Variants in MAGI2 observed in about 807,000 individuals in gnomAD.
MAGI2 encodes membrane associated guanylate kinase, WW and PDZ domain containing 2.
A neutral mutation model predicts 133.3 loss-of-function variants in MAGI2; 35 were observed. That is an observed-to-expected ratio of 0.26 (90% CI 0.20 to 0.35). The LOEUF (loss-of-function observed/expected upper bound fraction) is 0.35. Ranked by LOEUF, MAGI2 falls within the 10% of genes least tolerant of loss-of-function variation. The pLI, the probability that MAGI2 is intolerant of heterozygous loss-of-function variation, is 1.00. For missense variants in MAGI2, 1,636 were observed against 1,863.4 expected, an observed-to-expected ratio of 0.88 and a Z score of 2.25; for synonymous variants, 729 against 710.6, an observed-to-expected ratio of 1.03 and a Z score of -0.41.
chr7:78,246,648 T>C (rs891478298), intron 10 of MAGI2, among the ~76,000 whole-genome samples: 7 of 152,204 alleles, frequency 4.6e-5, no homozygotes, highest in Non-Finnish European at 8.8e-5. Context: ...TCTAGGGTTC[T>C]GGCTGCTGCA....
At chr7:79,120,466 C>T (rs1819791027) in intron 1 of MAGI2, among the ~76,000 whole-genome samples, 1 of 151,966 alleles carries the variant, frequency 6.6e-6, no homozygotes. Context: ...TGTAAACATT[C>T]CTAAATCAAC....
In MAGI2 at chr7:78,256,345, C is replaced by G; in HGVS notation, c.1645G>C (p.Glu549Gln). The G allele has an allele frequency of 6.2e-7, 1 of 1,614,010 alleles. No homozygotes were observed. Among genetic ancestry groups the G allele is most frequent in the South Asian group, 1.1e-5 (1 of 91,082 alleles). The change falls in exon 10 of 22, where the codon GAG (glutamate) becomes CAG (glutamine). Residue 549 changes from glutamate to glutamine, a missense_variant. By Grantham distance (29) the Glu-to-Gln change is conservative. Coordinates refer to ENST00000354212, the MANE Select transcript of MAGI2 (RefSeq NM_012301.4). The part of the protein sequence containing the change: ...NGRHNYETYL[E>Q]YISRTSQSVP... ...GACTGTGAGGTCCGAGAAATGTACT[C>G]CAAATATGTTTCATAGTTGTGTCTT...
intron 7 of MAGI2, among the ~76,000 whole-genome samples, chr7:78,362,226 T>C (rs1476263556): frequency 6.6e-6 from 1 of 152,010 alleles, no homozygotes; most frequent in Non-Finnish European, 1.5e-5. Context: ...CGCTTGAACC[T>C]GGGAGGCGGA....
At chr7:78,570,148 A>C (rs1394934004) in intron 3 of MAGI2, among the ~76,000 whole-genome samples, 1 of 152,194 alleles carries the variant, frequency 6.6e-6, no homozygotes, top group African/African-American at 2.4e-5. Context: ...CCAACAGGGT[A>C]GAGTGGAATA....
At chr7:78,878,440 C>A (rs1218794849) in intron 2 of MAGI2, among the ~76,000 whole-genome samples, 1 of 152,106 alleles carries the variant, frequency 6.6e-6, no homozygotes, top group Admixed American at 6.6e-5. Context: ...ATGTGTTTCT[C>A]AATTCTTAAT....
chr7:79,331,559 A>T (rs899459527), intron 1 of MAGI2, among the ~76,000 whole-genome samples: 8 of 152,146 alleles, frequency 5.3e-5, no homozygotes, highest in Non-Finnish European at 1.0e-4. Context: ...CTATTTACAG[A>T]CCAGAAAGAC....
At chr7:78,132,552 C>A (rs1000757349) in intron 18 of MAGI2, among the ~76,000 whole-genome samples, 8 of 152,244 alleles carry the variant, frequency 5.3e-5, no homozygotes, top group Admixed American at 3.9e-4. Flanking sequence ...TTCCATCGTG[C>A]ATACTGCAGG....
At chr7:78,133,170 T>C (rs1217188341) in intron 17 of MAGI2, 110 bp from the exon 18 acceptor site, 3 of 819,342 alleles carry the variant, frequency 3.7e-6, no homozygotes, top group Non-Finnish European at 5.6e-6. Flanking sequence ...GCTTTGGTTA[T>C]TTCCGTTTCT....
intron 2 of MAGI2, among the ~76,000 whole-genome samples, chr7:78,685,263 C>T (rs1585079563): frequency 6.6e-6 from 1 of 152,234 alleles, no homozygotes; most frequent in East Asian, 1.9e-4. Flanking sequence ...AAGAGCTGTC[C>T]TTTTTGTTAA....
At chr7:78,270,696 C>T (rs190908256) in intron 9 of MAGI2, among the ~76,000 whole-genome samples, 28 of 151,592 alleles carry the variant, frequency 1.8e-4, no homozygotes, top group Non-Finnish European at 2.5e-4. Flanking sequence ...TAATGGGAGA[C>T]GTTAACACCC....
At chr7:78,280,298 G>T (rs1407623804) in intron 9 of MAGI2, among the ~76,000 whole-genome samples, 4 of 152,062 alleles carry the variant, frequency 2.6e-5, no homozygotes, top group Admixed American at 2.0e-4. Flanking sequence ...GACAAATTGT[G>T]GGGGATGTGG....
intron 3 of MAGI2, among the ~76,000 whole-genome samples, chr7:78,544,929 G>A (rs1231158027): frequency 6.6e-6 from 1 of 151,552 alleles, no homozygotes; most frequent in Non-Finnish European, 1.5e-5. Flanking sequence ...GAAGGGCTGG[G>A]ATTACAGGCG....
intron 2 of MAGI2, among the ~76,000 whole-genome samples, chr7:78,819,842 T>C: frequency 6.6e-6 from 1 of 152,072 alleles, no homozygotes; most frequent in East Asian, 1.9e-4. Flanking sequence ...TTAATAGGCT[T>C]TCCAGTAATG....
At chr7:78,194,789 T>C (rs1584344205) in intron 12 of MAGI2, 85 bp downstream of exon 12, 2 of 1,165,998 alleles carry the variant, frequency 1.7e-6, no homozygotes, top group South Asian at 1.9e-5. Flanking sequence ...TATAAAACCA[T>C]GCCAGATCAT....
chr7:78,022,255 C>T (rs1043879632), intron 21 of MAGI2, among the ~76,000 whole-genome samples: 22 of 152,188 alleles, frequency 1.4e-4, no homozygotes, highest in African/African-American at 5.3e-4. Context: ...AAAAAGTGGT[C>T]TTCAAAAGGC....
intron 11 of MAGI2, among the ~76,000 whole-genome samples, chr7:78,196,274 C>T (rs775731963): frequency 4.6e-5 from 7 of 152,086 alleles, no homozygotes; most frequent in Non-Finnish European, 8.8e-5. Flanking sequence ...GCCCCTCGCA[C>T]CACTTCCTCA....
intron 1 of MAGI2, among the ~76,000 whole-genome samples, chr7:79,111,536 A>T (rs942586073): frequency 4.6e-5 from 7 of 152,224 alleles, no homozygotes; most frequent in Non-Finnish European, 1.0e-4. Context: ...GGATAAACAA[A>T]CATCAGGTAG....
At position 78,125,729 on chromosome 7, in the gene MAGI2, C is replaced by T; in HGVS notation, c.3532G>A (p.Glu1178Lys). The change falls in exon 20 of 22, where the codon GAA becomes AAA. Residue 1178 changes from glutamate (E) to lysine (K), a missense_variant. Transcript: ENST00000354212. ...KMDLYVLRLA[E>K]DGPAIRNGRM... ...CCATTCCTTATTGCTGGTCCATCTT[C>T]TGCCAGTCTCAACACATACAAATCC... is the stretch of plus-strand genomic sequence containing the variant. The T allele has an allele frequency of 6.2e-7, 1 of 1,613,872 alleles. No individual in the cohort carries two copies.
chr7:78,166,163 G>A (rs1362708756), intron 15 of MAGI2, among the ~76,000 whole-genome samples: 1 of 152,184 alleles, frequency 6.6e-6, no homozygotes, highest in African/African-American at 2.4e-5. Context: ...ATACATTTTT[G>A]CAGCATTTGG....
Sources: allele counts gnomAD v4.1 joint callset (sites outside exome capture counted in the v4.1 genomes callset), GRCh38; gene constraint gnomAD v4.1.1; transcripts MANE v1.5; gene names NCBI Gene and HGNC (gene_info 2026-07-23, HGNC 2026-07-21).